The following LNPEP variants were observed in gnomAD, a reference collection of about 807,000 sequenced individuals.
LNPEP encodes the protein leucyl-cystinyl aminopeptidase.
LNPEP carries 64 observed loss-of-function variants against 120.6 expected under a neutral mutation model. That is an observed-to-expected ratio of 0.53 (90% CI 0.43 to 0.65). The LOEUF (loss-of-function observed/expected upper bound fraction) is 0.65, where lower values mean the gene tolerates loss of function less well. Among genes scored for constraint, LNPEP ranks in the 30% least tolerant of loss-of-function variants. LNPEP has a pLI of 0.00. For missense variants in LNPEP, 1,057 were observed against 1,200.0 expected (o/e 0.88, Z 1.76); for synonymous variants, 435 against 425.4 (o/e 1.02, Z -0.28).
In LNPEP at chr5:97,014,920, C is replaced by T; in HGVS notation, c.2220-19C>T. 2.7e-6 allele frequency: 4 copies of T among 1,487,194 alleles called. No homozygotes were observed. Among genetic ancestry groups the T allele is most frequent in the Non-Finnish European group, 3.6e-6 (4 of 1,116,468 alleles). The allele number at this position is 1,487,194 out of a possible 1,614,324, so 92.1% of individuals were successfully genotyped here. ...GTGTGTCTCTGCATATTTACTTTTCCTGTTCTTTTATCCTTTAGCCTAGGC... is the reference window on the plus strand; with the variant it reads ...GTGTGTCTCTGCATATTTACTTTTCTTGTTCTTTTATCCTTTAGCCTAGGC... On this transcript the variant is annotated intron_variant, in intron 12 of 17. Transcript: ENST00000231368.
At position 97,003,417 on chromosome 5, in the gene LNPEP, A is replaced by C. The variant is rs754160137; in HGVS notation, c.1656A>C (p.Gly552=). The stretch of plus-strand genomic sequence containing the variant: ...TTCCTCACTTTTTTTTTTAATAGGG[A>C]TCTTCTCTCTTGTTGATGTTGAAAA... ...EMFDSLSYFK[G]SSLLLMLKTY... The change falls in exon 9 of 18, where the codon GGA becomes GGC. Residue 552 remains glycine (G), a splice_region_variant and synonymous_variant. Coordinates refer to ENST00000231368, the MANE Select transcript of LNPEP (RefSeq NM_005575.3). The C allele has an allele frequency of 4.1e-5, 62 of 1,515,872 alleles. No individual in the cohort carries two copies. Among genetic ancestry groups the C allele is most frequent in the Non-Finnish European group, 5.0e-5 (56 of 1,117,914 alleles). 93.9% of individuals were successfully genotyped at this position (1,515,872 alleles called of 1,614,324 possible). A position where few individuals can be genotyped will look rare whatever the true frequency, so the allele number is the denominator to read the frequency against.
intron 1 of LNPEP, among the ~76,000 whole-genome samples, chr5:96,947,446 A>C (rs1484656037): frequency 6.6e-6 from 1 of 152,166 alleles, no homozygotes; most frequent in Non-Finnish European, 1.5e-5. Flanking sequence ...CTTTATGTGA[A>C]TTTTAGGCAT....
rs546872125 is a variant in LNPEP at position 96,973,981 on chromosome 5, A to C, written c.20-5157A>C. ...CTCACCACATCCTCCCTATATGTTTAACCCTGTCTCTGTCTCCTACCTCTG... is the reference window on the plus strand; with the variant it reads ...CTCACCACATCCTCCCTATATGTTTCACCCTGTCTCTGTCTCCTACCTCTG... On this transcript the variant is annotated intron_variant, in intron 1 of 17. Coordinates refer to ENST00000231368, the MANE Select transcript of LNPEP (RefSeq NM_005575.3). 4.8e-4 allele frequency among the ~76,000 whole-genome samples: 73 copies of C among 152,256 alleles called. 3 individuals are homozygous for C. In the South Asian group the frequency reaches 0.015, roughly 31 times the overall value.
intron 7 of LNPEP, 30 bp downstream of exon 7, chr5:96,996,533 G>A: frequency 9.4e-7 from 1 of 1,067,328 alleles, no homozygotes; most frequent in Non-Finnish European, 1.5e-6. Context: ...GGCCTACTAT[G>A]AATGCTAGGA....
At position 97,028,650 on chromosome 5, in the gene LNPEP, T is replaced by C. The variant is rs1791404466; in HGVS notation, c.*117T>C. On this transcript the variant is annotated 3_prime_UTR_variant, in exon 18 of 18. Transcript: ENST00000231368. ...TCGCTGCCAAGTTGTTTGCACTCTT[T>C]GGAGTTCTAGTTAGCTCAGGGCCTG... The C allele has an allele frequency of 1.9e-6, 2 of 1,056,088 alleles. No individual in the cohort carries two copies. Among genetic ancestry groups the C allele is most frequent in the African/African-American group, 1.6e-5 (1 of 62,554 alleles). The allele number at this position is 1,056,088 out of a possible 1,614,324, so 65.4% of individuals were successfully genotyped here.
intron 1 of LNPEP, among the ~76,000 whole-genome samples, chr5:96,969,941 C>T (rs1278887255): frequency 6.6e-6 from 1 of 151,378 alleles, no homozygotes; most frequent in Non-Finnish European, 1.5e-5. Flanking sequence ...TCTTCTTTGA[C>T]TTATGGATTA....
At chr5:96,955,898 C>T (rs1177529222) in intron 1 of LNPEP, among the ~76,000 whole-genome samples, 2 of 152,232 alleles carry the variant, frequency 1.3e-5, no homozygotes, top group Non-Finnish European at 2.9e-5. Context: ...TGTGCCATTT[C>T]ACATTTCCAT....
chr5:97,009,481 C>G (rs1360280184), intron 11 of LNPEP, among the ~76,000 whole-genome samples: 2 of 152,150 alleles, frequency 1.3e-5, no homozygotes, highest in Non-Finnish European at 2.9e-5. Context: ...TGAAGTGACT[C>G]CAGTCTCACT....
At chr5:96,952,891 C>T (rs903644601) in intron 1 of LNPEP, among the ~76,000 whole-genome samples, 3 of 152,114 alleles carry the variant, frequency 2.0e-5, no homozygotes, top group African/African-American at 4.8e-5. Context: ...TGGCTAAGTT[C>T]ATTTACTTTT....
intron 8 of LNPEP, 67 bp from the exon 9 acceptor site, chr5:97,003,348 T>C: frequency 1.1e-6 from 1 of 949,992 alleles, no homozygotes; most frequent in East Asian, 2.7e-5. Flanking sequence ...GAATTTTAGA[T>C]TCCCAATTCG....
At position 96,967,786 on chromosome 5, in the gene LNPEP, A is replaced by G. The variant is rs78395850; in HGVS notation, c.20-11352A>G. Among the ~76,000 whole-genome samples, 5 of 152,252 alleles carry G rather than the reference A, an allele frequency of 3.3e-5. No homozygotes were observed. In the East Asian group the frequency reaches 9.7e-4, roughly 29 times the overall value. On this transcript the variant is annotated intron_variant, in intron 1 of 17. Transcript: ENST00000231368. ...ATTTTTGTTTATACTTCATTTTAATATATTAGATTATTGCTACTTTCATTT... is the reference window on the plus strand; with the variant it reads ...ATTTTTGTTTATACTTCATTTTAATGTATTAGATTATTGCTACTTTCATTT...
At chr5:96,948,068 G>A (rs926512362) in intron 1 of LNPEP, among the ~76,000 whole-genome samples, 1 of 151,712 alleles carries the variant, frequency 6.6e-6, no homozygotes, top group African/African-American at 2.4e-5. Flanking sequence ...TGGGGAAGGG[G>A]CAGTGGTGAT....
At chr5:96,989,758 G>A (rs936131694) in intron 4 of LNPEP, among the ~76,000 whole-genome samples, 1 of 151,982 alleles carries the variant, frequency 6.6e-6, no homozygotes, top group Non-Finnish European at 1.5e-5. Context: ...TATAATAATT[G>A]TAATGACCAG....
intron 1 of LNPEP, among the ~76,000 whole-genome samples, chr5:96,964,711 T>C (rs1299585866): frequency 6.6e-6 from 1 of 152,166 alleles, no homozygotes; most frequent in East Asian, 1.9e-4. Context: ...TTTTGGACTT[T>C]TGATATGTAT....
intron 8 of LNPEP, among the ~76,000 whole-genome samples, chr5:97,002,369 CA>C (rs1048895029): frequency 1.3e-5 from 2 of 151,988 alleles, no homozygotes; most frequent in African/African-American, 4.8e-5. Flanking sequence ...AGGAATGTTA[CA>C]TCGTTTTTGT....
intron 2 of LNPEP, among the ~76,000 whole-genome samples, chr5:96,983,337 G>A (rs913175207): frequency 2.6e-5 from 4 of 152,178 alleles, no homozygotes; most frequent in Non-Finnish European, 4.4e-5. Context: ...TTATAGCCAC[G>A]CTGGGATGAT....
chr5:96,997,726 G>T (rs1790550408), intron 7 of LNPEP, among the ~76,000 whole-genome samples: 1 of 151,950 alleles, frequency 6.6e-6, no homozygotes. Context: ...ACTCAGAGTT[G>T]GCATTTGTTT....
chr5:96,987,306 T>C (rs865991781), intron 4 of LNPEP, among the ~76,000 whole-genome samples: 2 of 152,198 alleles, frequency 1.3e-5, no homozygotes, highest in African/African-American at 4.8e-5. Flanking sequence ...AGAAACCTAA[T>C]AAAGTTAATT....
At chr5:96,936,409 CG>C in intron 1 of LNPEP, 1 of 392,988 alleles carries the variant, frequency 2.5e-6, no homozygotes, top group Non-Finnish European at 4.5e-6. Flanking sequence ...GCCGCTCGCC[CG>C]GGGTGCGGCC....
Sources: allele counts gnomAD v4.1 joint callset (sites outside exome capture counted in the v4.1 genomes callset), GRCh38; gene constraint gnomAD v4.1.1; transcripts MANE v1.5; gene names NCBI Gene and HGNC (gene_info 2026-07-23, HGNC 2026-07-21).